Variants in SCHIP1 observed in about 807,000 individuals in gnomAD.
The protein encoded by SCHIP1 is schwannomin interacting protein 1.
A neutral mutation model predicts 29.7 loss-of-function variants in SCHIP1; 8 were observed. That is an observed-to-expected ratio of 0.27 (90% confidence interval 0.16 to 0.49). The LOEUF (loss-of-function observed/expected upper bound fraction) is 0.49, where lower values mean the gene tolerates loss of function less well. Among genes scored for constraint, SCHIP1 ranks in the 20% least tolerant of loss-of-function variants. The pLI, the probability that SCHIP1 is intolerant of heterozygous loss-of-function variation, is 0.99. For synonymous variants in SCHIP1, 76 were observed against 94.9 expected (o/e 0.80, Z 1.16); for missense variants, 193 against 294.6 (o/e 0.66, Z 2.52).
At chr3:159,590,288 A>G in the SCHIP1 span, among the ~76,000 whole-genome samples, 1 of 152,260 alleles carries the variant, frequency 6.6e-6, no homozygotes, top group South Asian at 2.1e-4. Context: ...GAACCAAACC[A>G]GTAGAGCTTT....
the SCHIP1 span, among the ~76,000 whole-genome samples, chr3:159,805,417 TCA>T: frequency 6.6e-6 from 1 of 152,114 alleles, no homozygotes; most frequent in Non-Finnish European, 1.5e-5. Context: ...TGTGACACAC[TCA>T]CACACACAAG....
the SCHIP1 span, among the ~76,000 whole-genome samples, chr3:159,554,738 T>C: frequency 6.6e-6 from 1 of 152,092 alleles, no homozygotes; most frequent in Non-Finnish European, 1.5e-5. Context: ...CCTAAGATAG[T>C]GGCTCTGGCT....
At chr3:159,394,180 G>C in the SCHIP1 span, among the ~76,000 whole-genome samples, 2 of 149,400 alleles carry the variant, frequency 1.3e-5, no homozygotes, top group African/African-American at 2.5e-5. Flanking sequence ...CTGACACTTT[G>C]CTGAAGTTGC....
the SCHIP1 span, among the ~76,000 whole-genome samples, chr3:159,334,202 G>C: frequency 6.6e-6 from 1 of 152,240 alleles, no homozygotes; most frequent in African/African-American, 2.4e-5. Flanking sequence ...AAATTGACCT[G>C]ACAGATCATC....
At chr3:159,311,445 C>G in the SCHIP1 span, among the ~76,000 whole-genome samples, 9 of 152,224 alleles carry the variant, frequency 5.9e-5, no homozygotes, top group Non-Finnish European at 1.2e-4. Flanking sequence ...TGATCCAGAT[C>G]ATTTTTCCAG....
chr3:159,298,113 A>T, the SCHIP1 span, among the ~76,000 whole-genome samples: 2 of 152,216 alleles, frequency 1.3e-5, no homozygotes, highest in Non-Finnish European at 2.9e-5. Flanking sequence ...CACCCCCAGT[A>T]TGTATTTATT....
the SCHIP1 span, among the ~76,000 whole-genome samples, chr3:159,284,679 T>C: frequency 6.6e-6 from 1 of 151,680 alleles, no homozygotes; most frequent in African/African-American, 2.4e-5. Flanking sequence ...TTTTCTTTAG[T>C]AGAGATTGGG....
At chr3:159,440,899 A>G in the SCHIP1 span, among the ~76,000 whole-genome samples, 36 of 152,294 alleles carry the variant, frequency 2.4e-4, no homozygotes, top group African/African-American at 8.2e-4. Flanking sequence ...AAAATAATAT[A>G]TCTTTGTTTT....
chr3:159,537,379 G>A, the SCHIP1 span, among the ~76,000 whole-genome samples: 7 of 152,070 alleles, frequency 4.6e-5, no homozygotes, highest in Admixed American at 4.6e-4. Context: ...GGCCTCTGAG[G>A]ATTACTCGCC....
At chr3:159,761,235 C>T in the SCHIP1 span, among the ~76,000 whole-genome samples, 1 of 152,136 alleles carries the variant, frequency 6.6e-6, no homozygotes, top group Non-Finnish European at 1.5e-5. Context: ...AGTTGGGAAA[C>T]TTTAGTAATT....
the SCHIP1 span, among the ~76,000 whole-genome samples, chr3:159,744,011 G>A: frequency 1.3e-5 from 2 of 152,122 alleles, no homozygotes; most frequent in African/African-American, 4.8e-5. Flanking sequence ...ATACTGTACT[G>A]TATAGTAAAA....
chr3:159,574,906 C>G, the SCHIP1 span, among the ~76,000 whole-genome samples: 7 of 152,214 alleles, frequency 4.6e-5, no homozygotes, highest in African/African-American at 1.7e-4. Flanking sequence ...TGGGACCTGC[C>G]AAGACAGGCA....
chr3:159,331,212 T>A, the SCHIP1 span, among the ~76,000 whole-genome samples: 1 of 152,148 alleles, frequency 6.6e-6, no homozygotes, highest in African/African-American at 2.4e-5. Flanking sequence ...TGGGGAGCTC[T>A]GGGAGACAGG....
At chr3:159,541,170 C>T in the SCHIP1 span, among the ~76,000 whole-genome samples, 1 of 151,992 alleles carries the variant, frequency 6.6e-6, no homozygotes. Flanking sequence ...AAATGATGGG[C>T]ACATAGATTG....
At chr3:159,842,965 A>T (rs906798631) in intron 1 of SCHIP1, among the ~76,000 whole-genome samples, 1 of 140,930 alleles carries the variant, frequency 7.1e-6, no homozygotes, top group East Asian at 2.1e-4. Context: ...TAATCTGTAA[A>T]CTTCCAGCTC....
At chr3:159,768,164 TA>T in the SCHIP1 span, 1 of 152,162 alleles carries the variant, frequency 6.6e-6, no homozygotes, top group Non-Finnish European at 1.5e-5. Context: ...TTTTAATGCT[TA>T]AAATAATTTG....
At chr3:159,698,629 AT>A in the SCHIP1 span, among the ~76,000 whole-genome samples, 6 of 151,328 alleles carry the variant, frequency 4.0e-5, no homozygotes, top group South Asian at 2.1e-4. Context: ...TTAGTTCTTT[AT>A]TTTTTTTTAT....
At chr3:159,492,688 T>A in the SCHIP1 span, among the ~76,000 whole-genome samples, 1 of 152,128 alleles carries the variant, frequency 6.6e-6, no homozygotes, top group Non-Finnish European at 1.5e-5. Flanking sequence ...CAGGATATTA[T>A]CCAGGAGAAC....
At chr3:159,685,426 C>A in the SCHIP1 span, among the ~76,000 whole-genome samples, 1 of 152,146 alleles carries the variant, frequency 6.6e-6, no homozygotes, top group Non-Finnish European at 1.5e-5. Context: ...CTGCTTCCTG[C>A]CCATATCTCA....
Sources: gnomAD v4.1 joint callset for allele counts (sites outside exome capture counted in the v4.1 genomes callset) on GRCh38, gnomAD v4.1.1 for gene constraint, MANE v1.5 for transcripts, NCBI Gene and HGNC (gene_info 2026-07-23, HGNC 2026-07-21) for gene names.